GALNT10: variants seen among roughly 807,000 people sequenced by gnomAD.
GALNT10 encodes GalNAc transferase 10.
GALNT10 carries 41 observed loss-of-function variants against 75.0 expected under a neutral mutation model. The ratio of observed to expected loss-of-function variants is 0.55; its 90% CI spans 0.43 to 0.71. The LOEUF (loss-of-function observed/expected upper bound fraction) is 0.71, where lower values mean the gene tolerates loss of function less well. Ranked by LOEUF, GALNT10 falls within the 30% of genes least tolerant of loss-of-function variation. The probability of loss-of-function intolerance (pLI) is 0.00; values close to 1 mark genes in which losing one functional copy is unlikely to be tolerated. For synonymous variants in GALNT10, 302 were observed against 313.0 expected (o/e 0.96, Z 0.37); for missense variants, 727 against 818.5 (o/e 0.89, Z 1.36).
chr5:154,192,204 G>C (rs969068506), intron 1 of GALNT10, among the ~76,000 whole-genome samples: 1 of 152,216 alleles, frequency 6.6e-6, no homozygotes, highest in African/African-American at 2.4e-5. Flanking sequence ...TGCTGTCTAG[G>C]CAGTCTGGCA....
intron 3 of GALNT10, among the ~76,000 whole-genome samples, chr5:154,313,433 C>T (rs1754554349): frequency 1.3e-5 from 2 of 152,124 alleles, no homozygotes; most frequent in South Asian, 4.2e-4. Flanking sequence ...TTTAAACACT[C>T]CTTGTACCTG....
Position 154,416,480 on chromosome 5 carries a change from T to TACACACACACACACACACACACACACAC in GALNT10, c.1654-323_1654-296dup, listed in dbSNP as rs70978542. On this transcript the variant is annotated intron_variant, in intron 11 of 11. Coordinates refer to ENST00000297107, the MANE Select transcript of GALNT10 (RefSeq NM_198321.4). This position sits in a 1 kb window ranked among gnomAD's most constrained non-coding sequence, Gnocchi z 4.5. ...AAATAAAAGATAAAAGGAAAGCACA[T>TACACACACACACACACACACACACACAC]ACACACACACACACACACACACACA... 2.1e-5 allele frequency among the ~76,000 whole-genome samples: 3 copies of TACACACACACACACACACACACACACAC among 141,828 alleles called. No individual in the cohort carries two copies. Among genetic ancestry groups the TACACACACACACACACACACACACACAC allele is most frequent in the African/African-American group, 5.4e-5 (2 of 36,794 alleles). 93.0% of individuals were successfully genotyped at this position (141,828 alleles called of 152,430 possible).
At chr5:154,339,013 C>A (rs1459370959) in intron 4 of GALNT10, among the ~76,000 whole-genome samples, 1 of 150,902 alleles carries the variant, frequency 6.6e-6, no homozygotes, top group African/African-American at 2.5e-5. Context: ...TTACTTCAGC[C>A]TGTCTGGCCT....
At chr5:154,390,577 A>T (rs2113191913) in intron 7 of GALNT10, among the ~76,000 whole-genome samples, 1 of 152,318 alleles carries the variant, frequency 6.6e-6, no homozygotes, top group Non-Finnish European at 1.5e-5. Flanking sequence ...AATTCTTTAA[A>T]AGCTTCGTTT....
chr5:154,230,552 G>A (rs1753133578), intron 1 of GALNT10, among the ~76,000 whole-genome samples: 1 of 152,224 alleles, frequency 6.6e-6, no homozygotes, highest in South Asian at 2.1e-4. Context: ...TGGCTTATGA[G>A]TAGCAGCTTT....
At chr5:154,413,776 T>C (rs1756448151) in intron 10 of GALNT10, among the ~76,000 whole-genome samples, 1 of 152,200 alleles carries the variant, frequency 6.6e-6, no homozygotes, top group Non-Finnish European at 1.5e-5. Flanking sequence ...TAAACAATTA[T>C]ATTTTAGATA....
At chr5:154,279,323 G>A (rs535916375) in intron 1 of GALNT10, among the ~76,000 whole-genome samples, 49 of 132,538 alleles carry the variant, frequency 3.7e-4, no homozygotes, top group African/African-American at 1.4e-3. Flanking sequence ...TTTTTTTTGA[G>A]ATGGAGCTTT....
chr5:154,215,941 G>C (rs369822433), intron 1 of GALNT10, among the ~76,000 whole-genome samples: 4 of 152,112 alleles, frequency 2.6e-5, no homozygotes, highest in East Asian at 1.9e-4. Context: ...CTAGCTTTAG[G>C]TATATAAAGA....
chr5:154,319,813 A>C (rs1359319766), intron 3 of GALNT10, among the ~76,000 whole-genome samples: 1 of 152,248 alleles, frequency 6.6e-6, no homozygotes, highest in Admixed American at 6.5e-5. Flanking sequence ...CCTAAAACAC[A>C]ACATGTAGAC....
At chr5:154,396,090 T>C (rs1312237518) in intron 7 of GALNT10, among the ~76,000 whole-genome samples, 1 of 152,210 alleles carries the variant, frequency 6.6e-6, no homozygotes, top group Non-Finnish European at 1.5e-5. Context: ...TTCCAATACC[T>C]TCACCCGGCT....
At chr5:154,363,353 G>A (rs541589069) in intron 4 of GALNT10, among the ~76,000 whole-genome samples, 1 of 151,958 alleles carries the variant, frequency 6.6e-6, no homozygotes, top group South Asian at 2.1e-4. Context: ...TTCCATTTTA[G>A]AAAGAAAAAG....
At chr5:154,289,249 C>A (rs564583502) in intron 1 of GALNT10, among the ~76,000 whole-genome samples, 2 of 152,326 alleles carry the variant, frequency 1.3e-5, no homozygotes, top group East Asian at 3.9e-4. Flanking sequence ...CTCAGTTAAT[C>A]CTCCCAACAG....
At chr5:154,211,356 T>A (rs1485330909) in intron 1 of GALNT10, among the ~76,000 whole-genome samples, 1 of 152,222 alleles carries the variant, frequency 6.6e-6, no homozygotes, top group East Asian at 1.9e-4. Context: ...CCTCTCTTTT[T>A]CCCTTGGTGA....
chr5:154,272,707 G>A (rs1160788634), intron 1 of GALNT10, among the ~76,000 whole-genome samples: 1 of 152,172 alleles, frequency 6.6e-6, no homozygotes, highest in Non-Finnish European at 1.5e-5. Context: ...TAATAATAGT[G>A]CCACCCTCTA....
chr5:154,323,604 C>A (rs114335348), intron 3 of GALNT10, among the ~76,000 whole-genome samples: 193 of 152,270 alleles, frequency 1.3e-3, no homozygotes, highest in African/African-American at 4.4e-3. Context: ...ATGTATGTAG[C>A]GGGGGCAGGT....
At chr5:154,351,312 A>G (rs1735069361) in intron 4 of GALNT10, among the ~76,000 whole-genome samples, 1 of 152,048 alleles carries the variant, frequency 6.6e-6, no homozygotes, top group African/African-American at 2.4e-5. Context: ...AGCTGACCTG[A>G]GGGCCTGCCC....
intron 1 of GALNT10, among the ~76,000 whole-genome samples, chr5:154,222,441 C>T: frequency 6.6e-6 from 1 of 151,842 alleles, no homozygotes; most frequent in East Asian, 1.9e-4. Context: ...GTATACAAGT[C>T]TTTGTGTATA....
intron 3 of GALNT10, among the ~76,000 whole-genome samples, chr5:154,310,451 TTG>T (rs199676694): frequency 2.1e-4 from 28 of 136,434 alleles, no homozygotes; most frequent in African/African-American, 3.2e-4. Flanking sequence ...GTTTTTTTTT[TTG>T]TTTGTTTGTT....
chr5:154,329,476 A>G, intron 3 of GALNT10, 96 bp from the exon 4 acceptor site: 1 of 903,390 alleles, frequency 1.1e-6, no homozygotes, highest in Non-Finnish European at 1.8e-6. Context: ...ACTGGAGAGG[A>G]AGTGGGGTTT....
Sources: gnomAD v4.1 joint callset for allele counts (sites outside exome capture counted in the v4.1 genomes callset) on GRCh38, gnomAD v4.1.1 for gene constraint, Gnocchi (gnomAD v3.1) non-coding constraint, MANE v1.5 for transcripts, NCBI Gene and HGNC (gene_info 2026-07-23, HGNC 2026-07-21) for gene names.